ADGRB3: variants seen among roughly 807,000 people sequenced by gnomAD.
ADGRB3 encodes adhesion G protein-coupled receptor B3, also known as brain-specific angiogenesis inhibitor 3.
In ADGRB3, 37 loss-of-function variants were observed where a neutral mutation model predicts 193.4. That is an observed-to-expected ratio of 0.19 (90% CI 0.15 to 0.25). The LOEUF (loss-of-function observed/expected upper bound fraction) is 0.25, where lower values mean the gene tolerates loss of function less well. Among genes scored for constraint, ADGRB3 ranks in the 10% least tolerant of loss-of-function variants. The pLI is 1.00. For synonymous variants in ADGRB3, 690 were observed against 644.2 expected, an observed-to-expected ratio of 1.07 and a Z score of -1.08; for missense variants, 1,637 against 1,852.9, an observed-to-expected ratio of 0.88 and a Z score of 2.14.
At chr6:68,681,037 G>A (rs1433812294) in intron 3 of ADGRB3, among the ~76,000 whole-genome samples, 2 of 152,062 alleles carry the variant, frequency 1.3e-5, no homozygotes, top group Admixed American at 1.3e-4. Flanking sequence ...TTTGGTAAGG[G>A]CCTCAAGAAG....
At chr6:69,070,917 A>G (rs906383696) in intron 16 of ADGRB3, among the ~76,000 whole-genome samples, 13 of 152,216 alleles carry the variant, frequency 8.5e-5, no homozygotes, top group African/African-American at 3.1e-4. Context: ...AACTTGTTTC[A>G]GATCTCTGCT....
intron 18 of ADGRB3, 115 bp from the exon 19 acceptor site, chr6:69,234,917 A>G (rs975395440): frequency 6.9e-6 from 5 of 724,964 alleles, no homozygotes; most frequent in Non-Finnish European, 1.1e-5. Flanking sequence ...CTATCTGGTA[A>G]CTATAACAAC....
intron 3 of ADGRB3, among the ~76,000 whole-genome samples, chr6:68,729,500 T>G (rs1765731872): frequency 1.3e-5 from 2 of 151,534 alleles, no homozygotes; most frequent in African/African-American, 4.8e-5. Context: ...GAATGATCAG[T>G]ATGGATCAGA....
intron 30 of ADGRB3, among the ~76,000 whole-genome samples, chr6:69,375,272 GT>G (rs1412881779): frequency 7.2e-5 from 11 of 152,052 alleles, no homozygotes; most frequent in African/African-American, 2.7e-4. Flanking sequence ...AGTATGTCAG[GT>G]TTTAAAAAGA....
intron 17 of ADGRB3, among the ~76,000 whole-genome samples, chr6:69,080,701 A>G (rs1297530431): frequency 6.6e-6 from 1 of 152,002 alleles, no homozygotes; most frequent in African/African-American, 2.4e-5. Context: ...ATGTATAGCC[A>G]TCATTCCAGT....
At chr6:68,808,448 C>G (rs1175978212) in intron 3 of ADGRB3, among the ~76,000 whole-genome samples, 1 of 150,078 alleles carries the variant, frequency 6.7e-6, no homozygotes, top group African/African-American at 2.4e-5. Flanking sequence ...TTTGCTACCT[C>G]TAACTATACA....
chr6:69,091,523 G>A (rs1205395543), intron 17 of ADGRB3, among the ~76,000 whole-genome samples: 1 of 152,162 alleles, frequency 6.6e-6, no homozygotes, highest in Non-Finnish European at 1.5e-5. Context: ...ATTATCCTGA[G>A]CAAACTAACA....
At chr6:68,982,478 C>T (rs1222352019) in intron 10 of ADGRB3, among the ~76,000 whole-genome samples, 1 of 152,134 alleles carries the variant, frequency 6.6e-6, no homozygotes, top group African/African-American at 2.4e-5. Flanking sequence ...TGTGCCCATC[C>T]TGTCAGCTCT....
chr6:68,647,318 T>C (rs1158240726), intron 3 of ADGRB3, among the ~76,000 whole-genome samples: 1 of 152,238 alleles, frequency 6.6e-6, no homozygotes, highest in Non-Finnish European at 1.5e-5. Flanking sequence ...TGTCATTATA[T>C]GGTATTTAAT....
At chr6:69,360,748 A>G (rs1769432076) in intron 28 of ADGRB3, 121 bp from the exon 29 acceptor site, 2 of 1,053,998 alleles carry the variant, frequency 1.9e-6, no homozygotes, top group Non-Finnish European at 2.7e-6. Context: ...TTTTTTTTAA[A>G]TAACATACCT....
chr6:69,219,460 C>CTT (rs1561956677), intron 17 of ADGRB3, among the ~76,000 whole-genome samples: 1 of 54,886 alleles, frequency 1.8e-5, no homozygotes. Flanking sequence ...TACACACACA[C>CTT]GTATATATAT....
At chr6:69,050,194 A>G (rs926020699) in intron 15 of ADGRB3, among the ~76,000 whole-genome samples, 4 of 152,212 alleles carry the variant, frequency 2.6e-5, no homozygotes, top group Non-Finnish European at 5.9e-5. Flanking sequence ...AAATAGTCTA[A>G]TAAATAAAAA....
At chr6:69,238,223 C>T (rs1026592642) in intron 19 of ADGRB3, among the ~76,000 whole-genome samples, 2 of 152,008 alleles carry the variant, frequency 1.3e-5, no homozygotes, top group African/African-American at 2.4e-5. Context: ...TGTGATTCCA[C>T]GTTATAATAC....
intron 28 of ADGRB3, among the ~76,000 whole-genome samples, chr6:69,359,776 C>T (rs991223246): frequency 1.3e-5 from 2 of 151,832 alleles, no homozygotes; most frequent in East Asian, 1.9e-4. Flanking sequence ...TGCTCTACTT[C>T]GTAGGTAGGT....
intron 20 of ADGRB3, among the ~76,000 whole-genome samples, chr6:69,302,642 A>T (rs1767971716): frequency 6.6e-6 from 1 of 151,956 alleles, no homozygotes; most frequent in Admixed American, 6.6e-5. Flanking sequence ...AAAGGATTTC[A>T]ACATTACAGA....
intron 3 of ADGRB3, among the ~76,000 whole-genome samples, chr6:68,901,526 G>C (rs1178798743): frequency 6.6e-6 from 1 of 152,148 alleles, no homozygotes; most frequent in Non-Finnish European, 1.5e-5. Context: ...TGAATGTCAG[G>C]ATGTGGAGGT....
At chr6:68,827,090 AAG>A (rs1464075135) in intron 3 of ADGRB3, among the ~76,000 whole-genome samples, 1 of 152,146 alleles carries the variant, frequency 6.6e-6, no homozygotes, top group Non-Finnish European at 1.5e-5. Context: ...AAGAATATAA[AAG>A]AGATAAATTG....
intron 20 of ADGRB3, 58 bp from the exon 21 acceptor site, chr6:69,324,814 A>G: frequency 3.8e-6 from 6 of 1,566,654 alleles, no homozygotes; most frequent in South Asian, 1.1e-5. Flanking sequence ...CCTGAAGAAC[A>G]TATCATTTTC....
At chr6:68,795,267 A>T (rs1436579358) in intron 3 of ADGRB3, among the ~76,000 whole-genome samples, 2 of 151,598 alleles carry the variant, frequency 1.3e-5, no homozygotes, top group African/African-American at 4.8e-5. Context: ...GGCATTTCTA[A>T]AAAAAAAGAA....
Sources: allele counts gnomAD v4.1 joint callset (sites outside exome capture counted in the v4.1 genomes callset), GRCh38; gene constraint gnomAD v4.1.1; transcripts MANE v1.5; gene names NCBI Gene and HGNC (gene_info 2026-07-23, HGNC 2026-07-21).